CPD: variants seen among roughly 807,000 people sequenced by gnomAD.
The protein encoded by CPD is carboxypeptidase D, also known as metallocarboxypeptidase D.
A neutral mutation model predicts 138.3 loss-of-function variants in CPD; 69 were observed. That is an observed-to-expected ratio of 0.50 (90% CI 0.41 to 0.61). The LOEUF is 0.61. CPD is among the 20% of genes least tolerant of loss of function. The probability of loss-of-function intolerance (pLI) is 0.00; values close to 1 mark genes in which losing one functional copy is unlikely to be tolerated. For missense variants in CPD, 1,432 were observed against 1,733.3 expected (o/e 0.83, Z 3.09); for synonymous variants, 651 against 642.1 (o/e 1.01, Z -0.21).
chr17:30,399,393 T>C (rs1194573239), intron 2 of CPD, among the ~76,000 whole-genome samples: 1 of 152,174 alleles, frequency 6.6e-6, no homozygotes, highest in African/African-American at 2.4e-5. Context: ...TTCTGCTGAT[T>C]ACTGAGAGAA....
chr17:30,391,984 A>G (rs184793696), intron 2 of CPD, among the ~76,000 whole-genome samples: 1 of 151,396 alleles, frequency 6.6e-6, no homozygotes, highest in Non-Finnish European at 1.5e-5. Context: ...ACATAAATAC[A>G]TAGTTATTTG....
intron 1 of CPD, among the ~76,000 whole-genome samples, chr17:30,382,161 T>TG (rs905813457): frequency 7.2e-5 from 11 of 152,132 alleles, no homozygotes; most frequent in Non-Finnish European, 1.5e-4. Context: ...ATGATTTTTT[T>TG]GGGGGCTTAT....
At position 30,385,203 on chromosome 17, in the gene CPD, A is replaced by G. The variant is rs747167438; in HGVS notation, c.961A>G (p.Ile321Val). ...GDEDETFKDG[I>V]TNGAHWYDVE... ...TGAAGACGAGACTTTCAAAGATGGA[A>G]TCACAAACGGCGCACATTGGTATGA... Residue 321 changes from isoleucine to valine, a missense_variant, in exon 2 of 21, where the codon ATC becomes GTC. Ile to Val is a conservative substitution (Grantham distance 29). Coordinates refer to ENST00000225719, the MANE Select transcript of CPD (RefSeq NM_001304.5). 6.2e-7 allele frequency: 1 copy of G among 1,614,066 alleles called. No homozygotes were observed. Among genetic ancestry groups the G allele is most frequent in the Non-Finnish European group, 8.5e-7 (1 of 1,179,944 alleles).
chr17:30,379,589 C>T lies in CPD; in HGVS notation c.609C>T (p.Ser203=), dbSNP rs747304806. Residue 203 remains serine (S), a synonymous_variant, in exon 1 of 21, where the codon TCC becomes TCT. Transcript: ENST00000225719. The surrounding 1 kb of genome is among the most constrained non-coding windows in gnomAD (Gnocchi z 7.0). The part of the protein sequence containing the change: ...GDCGFGDGGP[S]GASGRDNSRG... ...GTGGCTTCGGCGACGGCGGCCCGTC[C>T]GGGGCCAGCGGCCGCGACAATAGTC... is the stretch of plus-strand genomic sequence containing the variant. 51 of 1,453,534 alleles carry T rather than the reference C, an allele frequency of 3.5e-5. No individual in the cohort carries two copies. The highest frequency in any genetic ancestry group is 4.4e-5 in the Non-Finnish European group (49 of 1,113,630). 90.0% of individuals were successfully genotyped at this position (1,453,534 alleles called of 1,614,324 possible).
intron 4 of CPD, 124 bp downstream of exon 4, chr17:30,421,957 GA>G: frequency 6.5e-6 from 5 of 768,298 alleles, no homozygotes; most frequent in Non-Finnish European, 1.0e-5. Flanking sequence ...CTTATTTTCT[GA>G]TTTTTCTCGT....
At chr17:30,460,779 G>A (rs1352920607) in intron 17 of CPD, among the ~76,000 whole-genome samples, 1 of 152,176 alleles carries the variant, frequency 6.6e-6, no homozygotes, top group African/African-American at 2.4e-5. Context: ...CAGGTTGAGG[G>A]TATGAGAGAG....
chr17:30,426,199 CAA>C (rs35054719), intron 6 of CPD, among the ~76,000 whole-genome samples: 2,105 of 105,406 alleles, frequency 0.02, 38 homozygotes, highest in African/African-American at 0.061. Flanking sequence ...GGCTCCGTCT[CAA>C]AAAAAAAAAA....
chr17:30,433,955 G>T (rs918380860), intron 8 of CPD, among the ~76,000 whole-genome samples: 2 of 152,124 alleles, frequency 1.3e-5, no homozygotes, highest in Non-Finnish European at 2.9e-5. Context: ...TTTTATAAAT[G>T]AGGAAGGTGA....
Position 30,442,409 on chromosome 17 carries a change from T to A in CPD, c.2332T>A (p.Trp778Arg), listed in dbSNP as rs1912899525. The A allele has an allele frequency of 6.2e-7, 1 of 1,613,376 alleles. No homozygotes were observed. The change falls in exon 10 of 21, where the codon TGG becomes AGG. Residue 778 changes from tryptophan (W) to arginine (R), a missense_variant. Physicochemically the swap from Trp to Arg is moderately radical, Grantham distance 101. Around this residue, in one of 6 missense-constraint regions of CPD, gnomAD observed 297 missense variants for 405.3 expected, o/e 0.73. Coordinates refer to ENST00000225719, the MANE Select transcript of CPD (RefSeq NM_001304.5). Reference sequence around the variant, plus strand: ...ACTTGAGAAAGAGCTGCCAAACTTTTGGGAACAGAATCGAAGATCACTAAT... The same window carrying A: ...ACTTGAGAAAGAGCTGCCAAACTTTAGGGAACAGAATCGAAGATCACTAAT... ...YPLEKELPNF[W>R]EQNRRSLIQF...
At chr17:30,380,705 C>A in intron 1 of CPD, 1 of 1,144,066 alleles carries the variant, frequency 8.7e-7, no homozygotes. Context: ...TGTGTGTGGG[C>A]TGCAATAACA....
At chr17:30,400,920 G>A (rs187492416) in intron 2 of CPD, among the ~76,000 whole-genome samples, 13 of 150,110 alleles carry the variant, frequency 8.7e-5, no homozygotes, top group Admixed American at 3.3e-4. Context: ...CTCGTGATCC[G>A]CCCGTCTCGG....
At position 30,379,956 on chromosome 17, in the gene CPD, GA is replaced by G. The variant is rs1910997882; in HGVS notation, c.746+231del. Among the ~76,000 whole-genome samples, 1 of 152,244 alleles carries G rather than the reference GA, an allele frequency of 6.6e-6. No individual in the cohort carries two copies. Among genetic ancestry groups the G allele is most frequent in the Admixed American group, 6.5e-5 (1 of 15,292 alleles). On this transcript the variant is annotated intron_variant, in intron 1 of 20. Transcript: ENST00000225719. The surrounding 1 kb of genome is among the most constrained non-coding windows in gnomAD (Gnocchi z 7.0). ...ATTTGTTCAAGGGATGGCTGGAGGG[GA>G]CACTCCTTTCTGACATTTCTGGTCC...
chr17:30,465,126 T>G lies in CPD; in HGVS notation c.*312T>G. ...TAAAGCCAACTAGAGGATGTTGTAT[T>G]TTGCACATCAGATGTTTACTAGTGG... On this transcript the variant is annotated 3_prime_UTR_variant, in exon 21 of 21. Transcript: ENST00000225719. The G allele has an allele frequency of 3.5e-6, 1 of 282,876 alleles. No individual in the cohort carries two copies. The highest frequency in any genetic ancestry group is 6.8e-6 in the Non-Finnish European group (1 of 147,534). The allele number at this position is 282,876 out of a possible 1,614,324, so 17.5% of individuals were successfully genotyped here. A position where few individuals can be genotyped will look rare whatever the true frequency, so the allele number is the denominator to read the frequency against.
intron 12 of CPD, among the ~76,000 whole-genome samples, chr17:30,446,573 C>T (rs1483116914): frequency 6.6e-6 from 1 of 152,142 alleles, no homozygotes; most frequent in Non-Finnish European, 1.5e-5. Context: ...TCCAGTCTAT[C>T]ATTGATGGAC....
intron 2 of CPD, among the ~76,000 whole-genome samples, chr17:30,418,417 A>C (rs1244975097): frequency 6.6e-6 from 1 of 152,038 alleles, no homozygotes; most frequent in Non-Finnish European, 1.5e-5. Context: ...TCCTGAGCTC[A>C]AGCAGTCTGC....
intron 14 of CPD, among the ~76,000 whole-genome samples, chr17:30,453,589 A>T (rs1419586724): frequency 2.0e-5 from 3 of 152,114 alleles, no homozygotes; most frequent in Non-Finnish European, 4.4e-5. Flanking sequence ...GCTGTCGTGG[A>T]TCTACCATTC....
At chr17:30,431,710 T>C in intron 7 of CPD, 62 bp from the exon 8 acceptor site, 1 of 1,117,622 alleles carries the variant, frequency 8.9e-7, no homozygotes, top group Non-Finnish European at 1.3e-6. Context: ...TCTGAAAAGC[T>C]TTATGTTAAT....
intron 12 of CPD, 60 bp downstream of exon 12, chr17:30,446,080 C>G: frequency 8.7e-7 from 1 of 1,145,510 alleles, no homozygotes; most frequent in South Asian, 1.5e-5. Flanking sequence ...CAGCATTAGC[C>G]ATGTTGAATA....
chr17:30,388,381 G>A (rs770674328), intron 2 of CPD, among the ~76,000 whole-genome samples: 10 of 152,168 alleles, frequency 6.6e-5, no homozygotes, highest in Non-Finnish European at 1.5e-4. Flanking sequence ...CCGGCTGCTC[G>A]TGCTAAGGGG....
Sources: allele counts gnomAD v4.1 joint callset (sites outside exome capture counted in the v4.1 genomes callset), GRCh38; gene constraint gnomAD v4.1.1; regional missense constraint gnomAD v4.1.1; non-coding constraint Gnocchi (gnomAD v3.1); transcripts MANE v1.5; gene names NCBI Gene and HGNC (gene_info 2026-07-23, HGNC 2026-07-21).